Variants in TMEM117 observed in about 807,000 individuals in gnomAD.
The protein encoded by TMEM117 is transmembrane protein 117.
In TMEM117, 27 loss-of-function variants were observed where a neutral mutation model predicts 52.4. That is an observed-to-expected ratio of 0.51 (90% CI 0.38 to 0.71). The LOEUF (loss-of-function observed/expected upper bound fraction) is 0.71, where lower values mean the gene tolerates loss of function less well. TMEM117 is among the 30% of genes least tolerant of loss of function. TMEM117 has a pLI of 0.00. For missense variants in TMEM117, 556 were observed against 630.5 expected (o/e 0.88, Z 1.26); for synonymous variants, 215 against 206.3 (o/e 1.04, Z -0.36).
intron 5 of TMEM117, among the ~76,000 whole-genome samples, chr12:44,241,283 CT>C: frequency 6.6e-6 from 1 of 151,610 alleles, no homozygotes; most frequent in East Asian, 1.9e-4. Context: ...GATGTGGAGC[CT>C]GCACATAAGA....
chr12:44,032,300 A>G (rs530887787), intron 3 of TMEM117, among the ~76,000 whole-genome samples: 1 of 152,384 alleles, frequency 6.6e-6, no homozygotes, highest in East Asian at 1.9e-4. Context: ...AATTGGAGAT[A>G]GAAATATTAT....
At chr12:43,877,614 G>A (rs996906063) in intron 2 of TMEM117, among the ~76,000 whole-genome samples, 2 of 147,120 alleles carry the variant, frequency 1.4e-5, no homozygotes, top group East Asian at 3.9e-4. Flanking sequence ...CAGCCCGGGC[G>A]ACATAGTGCG....
At chr12:44,027,137 T>A (rs767818792) in intron 3 of TMEM117, among the ~76,000 whole-genome samples, 2 of 27,508 alleles carry the variant, frequency 7.3e-5, no homozygotes, top group South Asian at 5.7e-3. Flanking sequence ...ATTTTATATT[T>A]TATTTTATTT....
intron 3 of TMEM117, among the ~76,000 whole-genome samples, chr12:44,043,206 C>T (rs565968314): frequency 1.5e-4 from 23 of 152,262 alleles, no homozygotes; most frequent in Admixed American, 4.6e-4. Flanking sequence ...TTCCTGGCTT[C>T]AGAAGCAGAT....
chr12:44,015,407 T>A (rs1946358942), intron 3 of TMEM117, among the ~76,000 whole-genome samples: 1 of 152,208 alleles, frequency 6.6e-6, no homozygotes, highest in East Asian at 1.9e-4. Context: ...TCTTGGTATT[T>A]TTTGGACTTA....
chr12:43,824,665 G>T, the TMEM117 span, among the ~76,000 whole-genome samples: 2 of 152,244 alleles, frequency 1.3e-5, no homozygotes, highest in Non-Finnish European at 2.9e-5. Flanking sequence ...GCCGGGCGCA[G>T]TGGCTCACGA....
intron 5 of TMEM117, among the ~76,000 whole-genome samples, chr12:44,279,581 T>A (rs1023944807): frequency 6.0e-5 from 9 of 150,926 alleles, no homozygotes; most frequent in African/African-American, 2.0e-4. Context: ...TGGCATAATC[T>A]CGGCTCACTG....
rs193075784 is a variant in TMEM117, at chr12:43,906,355, C to T, written c.278-37855C>T. On this transcript the variant is annotated intron_variant, in intron 2 of 7. Coordinates refer to ENST00000266534, the MANE Select transcript of TMEM117 (RefSeq NM_032256.3). ...GTGCATGCCTGTAATCCCAGCTACT[C>T]GGGAGGCTGAGGCAGGAGGATCACT... 3.8e-3 allele frequency among the ~76,000 whole-genome samples: 571 copies of T among 151,582 alleles called. 5 individuals are homozygous for T. The highest frequency in any genetic ancestry group is 0.013 in the African/African-American group (534 of 41,352).
At chr12:44,311,803 A>ATGTATATG (rs1950985257) in intron 6 of TMEM117, among the ~76,000 whole-genome samples, 2 of 11,772 alleles carry the variant, frequency 1.7e-4, no homozygotes, top group African/African-American at 2.6e-4. Flanking sequence ...ATATGTATAT[A>ATGTATATG]TGTATATATG....
intron 2 of TMEM117, among the ~76,000 whole-genome samples, chr12:43,868,117 C>G (rs182520687): frequency 3.3e-5 from 5 of 149,388 alleles, no homozygotes; most frequent in African/African-American, 1.2e-4. Flanking sequence ...CACACAGACA[C>G]ACACTCTGTC....
intron 6 of TMEM117, among the ~76,000 whole-genome samples, chr12:44,319,635 G>A (rs951266107): frequency 5.9e-5 from 9 of 152,090 alleles, no homozygotes; most frequent in East Asian, 1.9e-4. Flanking sequence ...CTTCTAATCC[G>A]CTGTCTTGGA....
the TMEM117 span, chr12:43,806,517 T>G: frequency 9.3e-6 from 5 of 535,096 alleles, no homozygotes; most frequent in Non-Finnish European, 1.3e-5. Flanking sequence ...CTCTCCCGCT[T>G]CTTCCGGGGG....
At chr12:44,187,784 C>A (rs927826590) in intron 4 of TMEM117, among the ~76,000 whole-genome samples, 1 of 152,104 alleles carries the variant, frequency 6.6e-6, no homozygotes, top group Non-Finnish European at 1.5e-5. Flanking sequence ...GTACAGTACA[C>A]ACTCTGTAAT....
At chr12:43,946,740 A>G (rs568381599) in intron 3 of TMEM117, among the ~76,000 whole-genome samples, 5 of 152,314 alleles carry the variant, frequency 3.3e-5, no homozygotes, top group South Asian at 2.1e-4. Context: ...ACCATATCCT[A>G]TTAGCCTTTC....
chr12:43,814,287 AC>A, the TMEM117 span, among the ~76,000 whole-genome samples: 1 of 152,108 alleles, frequency 6.6e-6, no homozygotes, highest in South Asian at 2.1e-4. Flanking sequence ...GAAAGAAGGG[AC>A]CACAGCAGCA....
rs776512180 is a variant in TMEM117, at chr12:44,279,790, AG to A, written c.609-19788del. Among the ~76,000 whole-genome samples, 18 of 152,324 alleles carry A rather than the reference AG, an allele frequency of 1.2e-4. No individual in the cohort carries two copies. The Middle Eastern group carries it at 0.017, about 144-fold the overall frequency. On this transcript the variant is annotated intron_variant, in intron 5 of 7. Transcript: ENST00000266534. ...TGGCCTCCCAAAGTGCTGGGATTAC[AG>A]GCGTGAGCCAGCGCACCCGGCCTAC...
intron 2 of TMEM117, among the ~76,000 whole-genome samples, chr12:43,933,406 T>G (rs1250011914): frequency 2.6e-5 from 4 of 151,886 alleles, no homozygotes; most frequent in African/African-American, 9.7e-5. Context: ...TTTCACCGTG[T>G]TTGCCAGGAT....
intron 4 of TMEM117, among the ~76,000 whole-genome samples, chr12:44,170,097 T>C (rs1254995717): frequency 1.3e-5 from 2 of 151,992 alleles, no homozygotes; most frequent in Admixed American, 6.6e-5. Context: ...ATATACACCA[T>C]AGAATACTAT....
intron 5 of TMEM117, among the ~76,000 whole-genome samples, chr12:44,256,056 C>T (rs536856687): frequency 2.0e-5 from 3 of 151,774 alleles, no homozygotes; most frequent in South Asian, 4.1e-4. Flanking sequence ...ACTCATATTA[C>T]TAAAAACACT....
Sources: gnomAD v4.1 joint callset for allele counts (sites outside exome capture counted in the v4.1 genomes callset) on GRCh38, gnomAD v4.1.1 for gene constraint, MANE v1.5 for transcripts, NCBI Gene and HGNC (gene_info 2026-07-23, HGNC 2026-07-21) for gene names.